The following TNFSF12 variants were observed in gnomAD, a reference collection of about 807,000 sequenced individuals.
The protein encoded by TNFSF12 is tumor necrosis factor ligand superfamily member 12.
Under a neutral mutation model 31.2 loss-of-function variants are expected in TNFSF12, and 16 were observed. The observed-to-expected ratio is 0.51, with a 90% CI of 0.35 to 0.78. The LOEUF is 0.78. Ranked by LOEUF, TNFSF12 falls within the 30% of genes least tolerant of loss-of-function variation. The pLI is 0.01. For missense variants in TNFSF12, 324 were observed against 338.8 expected, an observed-to-expected ratio of 0.96 and a Z score of 0.34; for synonymous variants, 150 against 151.4, an observed-to-expected ratio of 0.99 and a Z score of 0.07.
In TNFSF12 at chr17:7,549,507, G is replaced by A; in HGVS notation, c.193G>A (p.Asp65Asn). ...PAQEELVAEE[D>N]QDPSELNPQT... ...CCAGGAGGAGCTGGTGGCAGAGGAG[G>A]ACCAGGACCCGTCGGTGAGTGGGCG... Residue 65 changes from aspartate to asparagine, a missense_variant, in exon 2 of 7, where the codon GAC becomes AAC. Transcript: ENST00000293825. The surrounding 1 kb of genome is among the most constrained non-coding windows in gnomAD (Gnocchi z 4.1). The A allele has an allele frequency of 3.2e-6, 5 of 1,553,630 alleles. No individual in the cohort carries two copies. Among genetic ancestry groups the A allele is most frequent in the Non-Finnish European group, 4.4e-6 (5 of 1,146,472 alleles).
chr17:7,551,911 A>C (rs2071005204), intron 5 of TNFSF12, among the ~76,000 whole-genome samples: 1 of 152,028 alleles, frequency 6.6e-6, no homozygotes, highest in African/African-American at 2.4e-5. Flanking sequence ...TCAGCCTTCC[A>C]AGTAGCTGGG....
intron 5 of TNFSF12, 136 bp downstream of exon 5, chr17:7,551,114 T>C (rs2070997386): frequency 6.8e-7 from 1 of 1,469,140 alleles, no homozygotes; most frequent in African/African-American, 1.4e-5. Context: ...GTTCTCTCTG[T>C]GACCCAGGCG....
intron 5 of TNFSF12, chr17:7,553,858 G>T: frequency 9.1e-7 from 1 of 1,104,132 alleles, no homozygotes; most frequent in Non-Finnish European, 1.1e-6. Flanking sequence ...GGGAGATGAG[G>T]GAACCTTTGC....
chr17:7,554,760 G>A (rs867661958), intron 5 of TNFSF12, among the ~76,000 whole-genome samples: 37 of 127,804 alleles, frequency 2.9e-4, no homozygotes, highest in African/African-American at 8.0e-4. Flanking sequence ...GACTACAGGC[G>A]CCTGCCACCA....
rs1213862997 is a variant in TNFSF12 at position 7,550,221 on chromosome 17, AG to A, written c.283+28del. The A allele has an allele frequency of 6.2e-6, 10 of 1,613,970 alleles. 1 individual carries two copies. In the Admixed American group the frequency reaches 1.7e-4, roughly 27 times the overall value. ...GTGAGCATCCCTCTATCCCAACCTC[AG>A]GAAGCGGGCAGAGCAAAAACCATTA... On this transcript the variant is annotated intron_variant, in intron 3 of 6. Transcript: ENST00000293825. This position sits in a 1 kb window ranked among gnomAD's most constrained non-coding sequence, Gnocchi z 4.4.
chr17:7,556,907 G>A lies in TNFSF12; in HGVS notation c.498+5G>A. ...CTCTACTACCTGTACTGTCAGGTAA[G>A]CCCCATCTGGCTGCATGGGTAACGC... On this transcript the variant is annotated splice_donor_5th_base_variant and intron_variant, in intron 6 of 6. Transcript: ENST00000293825. The A allele has an allele frequency of 1.3e-6, 2 of 1,521,818 alleles. No homozygotes were observed. Among genetic ancestry groups the A allele is most frequent in the South Asian group, 2.6e-5 (2 of 76,922 alleles). 94.3% of individuals were successfully genotyped at this position (1,521,818 alleles called of 1,614,324 possible). A position where few individuals can be genotyped will look rare whatever the true frequency, so the allele number is the denominator to read the frequency against.
At position 7,554,283 on chromosome 17, in the gene TNFSF12, C is replaced by T. The variant is rs550865078; in HGVS notation, c.374-2495C>T. Among the ~76,000 whole-genome samples the T allele has an allele frequency of 7.3e-5, 11 of 150,952 alleles. No homozygotes were observed. The South Asian group carries it at 1.9e-3, about 26-fold the overall frequency. On this transcript the variant is annotated intron_variant, in intron 5 of 6. Coordinates refer to ENST00000293825, the MANE Select transcript of TNFSF12 (RefSeq NM_003809.3). The stretch of plus-strand genomic sequence containing the variant: ...TGTTTGCTAGGGGCCAGGCTAGGTG[C>T]CCACAGCAACTAATATCCAGACTCT...
chr17:7,557,441 G>A lies in TNFSF12; in HGVS notation c.*91G>A, dbSNP rs28362665. The A allele has an allele frequency of 0.1, 148,786 of 1,478,720 alleles. 8,216 individuals carry two copies. The highest frequency in any genetic ancestry group is 0.11 in the East Asian group (4,761 of 42,532). 91.6% of individuals were successfully genotyped at this position (1,478,720 alleles called of 1,614,324 possible). ...GGTCCCCTCTGCCCCACCCTCAGCC[G>A]CTCTTTGCTCCAGACCTGCCCCTCC... is the stretch of plus-strand genomic sequence containing the variant. On this transcript the variant is annotated 3_prime_UTR_variant, in exon 7 of 7. Transcript: ENST00000293825. The surrounding 1 kb of genome is among the most constrained non-coding windows in gnomAD (Gnocchi z 5.2).
chr17:7,556,562 G>A (rs1249906273), intron 5 of TNFSF12, among the ~76,000 whole-genome samples: 3 of 152,160 alleles, frequency 2.0e-5, no homozygotes, highest in Non-Finnish European at 4.4e-5. Context: ...GTGACAATCT[G>A]CCCTGAATGT....
intron 5 of TNFSF12, among the ~76,000 whole-genome samples, chr17:7,554,969 T>C (rs1205456966): frequency 6.6e-6 from 1 of 151,878 alleles, no homozygotes; most frequent in Non-Finnish European, 1.5e-5. Flanking sequence ...AGCATATAAA[T>C]TTGTAATTAC....
rs751955288 is a variant in TNFSF12, at chr17:7,556,954, T to G, written c.498+52T>G. Reference sequence around the variant, plus strand: ...ACGCAGTAAGAGAGTGGCGAAGGGTTTGCCAGGAGAGTGGGGGACAAGCTA... The same window carrying G: ...ACGCAGTAAGAGAGTGGCGAAGGGTGTGCCAGGAGAGTGGGGGACAAGCTA... On this transcript the variant is annotated intron_variant, in intron 6 of 6. Transcript: ENST00000293825. 7 of 1,529,050 alleles carry G rather than the reference T, an allele frequency of 4.6e-6. No homozygotes were observed. In the South Asian group the frequency reaches 8.9e-5, roughly 20 times the overall value. 94.7% of individuals were successfully genotyped at this position (1,529,050 alleles called of 1,614,324 possible).
chr17:7,555,996 T>TTTTTTTTTTTTTTTTTTTTTG, intron 5 of TNFSF12, among the ~76,000 whole-genome samples: 1 of 146,870 alleles, frequency 6.8e-6, no homozygotes, highest in Admixed American at 6.8e-5. Flanking sequence ...TTTTTTTTTT[T>TTTTTTTTTTTTTTTTTTTTTG]TGGAGACAGA....
rs898490512 is a variant in TNFSF12 at position 7,549,213 on chromosome 17, G to T, written c.60G>T (p.Leu20=). The T allele has an allele frequency of 7.4e-7, 1 of 1,348,306 alleles. No homozygotes were observed. 83.5% of individuals were successfully genotyped at this position (1,348,306 alleles called of 1,614,324 possible). ...GCCGGGGGGAGCCGGGCACCGCCCT[G>T]CTGGTCCCGCTCGCGCTGGGCCTGG... ...RGRRGEPGTA[L]LVPLALGLGL... is the part of the protein sequence containing the mutation. The change falls in exon 1 of 7, where the codon CTG becomes CTT. Residue 20 remains leucine (L), a synonymous_variant. Transcript: ENST00000293825. This position sits in a 1 kb window ranked among gnomAD's most constrained non-coding sequence, Gnocchi z 4.1.
chr17:7,550,221 A>G lies in TNFSF12; in HGVS notation c.283+26A>G. ...GTGAGCATCCCTCTATCCCAACCTC[A>G]GGAAGCGGGCAGAGCAAAAACCATT... On this transcript the variant is annotated intron_variant, in intron 3 of 6. Transcript: ENST00000293825. This position sits in a 1 kb window ranked among gnomAD's most constrained non-coding sequence, Gnocchi z 4.4. The G allele has an allele frequency of 6.2e-7, 1 of 1,614,088 alleles. No homozygotes were observed. Among genetic ancestry groups the G allele is most frequent in the Non-Finnish European group, 8.5e-7 (1 of 1,180,006 alleles).
chr17:7,557,535 C>A lies in TNFSF12; in HGVS notation c.*185C>A. 1.2e-6 allele frequency: 1 copy of A among 821,774 alleles called. No individual in the cohort carries two copies. Among genetic ancestry groups the A allele is most frequent in the Non-Finnish European group, 1.8e-6 (1 of 552,032 alleles). The allele number at this position is 821,774 out of a possible 1,614,324, so 50.9% of individuals were successfully genotyped here. A position where few individuals can be genotyped will look rare whatever the true frequency, so the allele number is the denominator to read the frequency against. ...ATAAATACAGTATTCCCACTCTTATCTTACAACTCCCCCACCGCCCACTCT... is the reference window on the plus strand; with the variant it reads ...ATAAATACAGTATTCCCACTCTTATATTACAACTCCCCCACCGCCCACTCT... On this transcript the variant is annotated 3_prime_UTR_variant, in exon 7 of 7. Transcript: ENST00000293825. The surrounding 1 kb of genome is among the most constrained non-coding windows in gnomAD (Gnocchi z 5.2).
chr17:7,551,897 C>T (rs564656900), intron 5 of TNFSF12, among the ~76,000 whole-genome samples: 5 of 152,126 alleles, frequency 3.3e-5, no homozygotes, highest in African/African-American at 9.7e-5. Context: ...AAGAGATTCC[C>T]GTCTCAGCCT....
At position 7,550,094 on chromosome 17, in the gene TNFSF12, G is replaced by A. The variant is rs762281497; in HGVS notation, c.208-26G>A. ...CACTTTATATCTCTGGGAGTCTGTG[G>A]TTGAACCCTGCCCTAATTCCCCTAG... On this transcript the variant is annotated intron_variant, in intron 2 of 6. Coordinates refer to ENST00000293825, the MANE Select transcript of TNFSF12 (RefSeq NM_003809.3). The surrounding 1 kb of genome is among the most constrained non-coding windows in gnomAD (Gnocchi z 4.4). The A allele has an allele frequency of 1.2e-6, 2 of 1,613,914 alleles. No individual in the cohort carries two copies. Among genetic ancestry groups the A allele is most frequent in the Admixed American group, 3.3e-5 (2 of 59,984 alleles).
At chr17:7,552,195 G>A (rs1050829607) in intron 5 of TNFSF12, among the ~76,000 whole-genome samples, 1 of 152,186 alleles carries the variant, frequency 6.6e-6, no homozygotes, top group Non-Finnish European at 1.5e-5. Context: ...AATTATTAAC[G>A]TTGAGAAGTC....
chr17:7,552,446 G>GCCTCC (rs1434716897), intron 5 of TNFSF12, among the ~76,000 whole-genome samples: 1 of 151,352 alleles, frequency 6.6e-6, no homozygotes, highest in East Asian at 2.0e-4. Flanking sequence ...TCCTGTCTCA[G>GCCTCC]CCTCCCAAGT....
Sources: allele counts gnomAD v4.1 joint callset (sites outside exome capture counted in the v4.1 genomes callset), GRCh38; gene constraint gnomAD v4.1.1; non-coding constraint Gnocchi (gnomAD v3.1); transcripts MANE v1.5; gene names NCBI Gene and HGNC (gene_info 2026-07-23, HGNC 2026-07-21).